TASP1: variants seen among roughly 807,000 people sequenced by gnomAD.
The protein encoded by TASP1 is threonine aspartase 1.
A neutral mutation model predicts 56.6 loss-of-function variants in TASP1; 16 were observed. That is an observed-to-expected ratio of 0.28 (90% confidence interval 0.19 to 0.43). TASP1 has a LOEUF of 0.43. Ranked by LOEUF, TASP1 falls within the 20% of genes least tolerant of loss-of-function variation. The pLI is 1.00. For missense variants in TASP1, 393 were observed against 511.6 expected (o/e 0.77, Z 2.24); for synonymous variants, 179 against 184.2 (o/e 0.97, Z 0.23).
chr20:13,172,651 T>C, the TASP1 span, among the ~76,000 whole-genome samples: 1 of 152,120 alleles, frequency 6.6e-6, no homozygotes, highest in Non-Finnish European at 1.5e-5. Flanking sequence ...TCAGAATTCA[T>C]AGGGAAAATA....
chr20:13,525,120 T>G (rs1170507971), intron 10 of TASP1, among the ~76,000 whole-genome samples: 2 of 152,108 alleles, frequency 1.3e-5, no homozygotes, highest in Non-Finnish European at 2.9e-5. Context: ...CTTAGTGGTA[T>G]AAAAATAATG....
At chr20:13,614,247 AG>A (rs1177872733) in intron 4 of TASP1, among the ~76,000 whole-genome samples, 1 of 152,186 alleles carries the variant, frequency 6.6e-6, no homozygotes, top group Non-Finnish European at 1.5e-5. Flanking sequence ...AGTCAAACAT[AG>A]TATGTTGAAT....
chr20:13,495,721 A>T (rs1418037691), intron 10 of TASP1, among the ~76,000 whole-genome samples: 1 of 152,200 alleles, frequency 6.6e-6, no homozygotes, highest in Non-Finnish European at 1.5e-5. Flanking sequence ...CTAAGAAATA[A>T]TAACAGGAAA....
intron 6 of TASP1, among the ~76,000 whole-genome samples, chr20:13,570,434 T>C (rs1191848840): frequency 6.6e-6 from 1 of 152,124 alleles, no homozygotes; most frequent in East Asian, 1.9e-4. Flanking sequence ...TTGTTTCTGT[T>C]ATTTTAATCA....
the TASP1 span, among the ~76,000 whole-genome samples, chr20:13,277,657 T>A: frequency 2.1e-5 from 3 of 142,622 alleles, no homozygotes; most frequent in Non-Finnish European, 4.6e-5. Context: ...TTTTTTTTTT[T>A]ACTTTTGGGA....
chr20:13,391,654 C>T (rs1438096175), intron 13 of TASP1, among the ~76,000 whole-genome samples: 1 of 152,120 alleles, frequency 6.6e-6, no homozygotes, highest in African/African-American at 2.4e-5. Context: ...ATGAGCTTAT[C>T]TCCAGAGTTC....
chr20:13,243,972 C>T, the TASP1 span: 3 of 152,296 alleles, frequency 2.0e-5, no homozygotes, highest in Admixed American at 6.5e-5. Context: ...GACCTCAATG[C>T]TCATGGTATT....
chr20:13,329,681 T>C, the TASP1 span, among the ~76,000 whole-genome samples: 15 of 152,188 alleles, frequency 9.9e-5, no homozygotes, highest in African/African-American at 3.4e-4. Flanking sequence ...TAAAGATTCT[T>C]GGGGATTTTC....
the TASP1 span, chr20:13,169,123 T>C: frequency 6.6e-6 from 1 of 152,156 alleles, no homozygotes; most frequent in Non-Finnish European, 1.5e-5. Flanking sequence ...TTCTGTTGAT[T>C]TAGTTTAGGT....
At chr20:13,517,157 T>C (rs141787136) in intron 10 of TASP1, among the ~76,000 whole-genome samples, 2 of 152,248 alleles carry the variant, frequency 1.3e-5, no homozygotes, top group Non-Finnish European at 2.9e-5. Flanking sequence ...CTATAGCTAA[T>C]ATGTCAACAT....
In TASP1 at chr20:13,584,734, CTGGCCACAGTGGAATTA is replaced by C. The variant is rs1349782671; in HGVS notation, c.403+2499_403+2515del. On this transcript the variant is annotated intron_variant, in intron 5 of 13. Coordinates refer to ENST00000337743, the MANE Select transcript of TASP1 (RefSeq NM_017714.3). ...ATTGGTATCATACATAGTATATTCT[CTGGCCACAGTGGAATTA>C]AACTAGAAATCAACAAAGAAAGCTA... Among the ~76,000 whole-genome samples, 77 of 152,220 alleles carry C rather than the reference CTGGCCACAGTGGAATTA, an allele frequency of 5.1e-4. 1 individual carries two copies. In the East Asian group the frequency reaches 0.01, roughly 20 times the overall value.
At chr20:13,110,277 G>T in the TASP1 span, 1 of 1,412,310 alleles carries the variant, frequency 7.1e-7, no homozygotes, top group Non-Finnish European at 9.9e-7. Flanking sequence ...TGACCAGTGC[G>T]GAAAGGCTCA....
chr20:13,380,464 G>A, the TASP1 span, among the ~76,000 whole-genome samples: 1 of 152,112 alleles, frequency 6.6e-6, no homozygotes, highest in Non-Finnish European at 1.5e-5. Flanking sequence ...TCCCAGAGGG[G>A]CACCCGCCAG....
the TASP1 span, among the ~76,000 whole-genome samples, chr20:13,138,807 C>G: frequency 6.6e-6 from 1 of 152,188 alleles, no homozygotes; most frequent in Non-Finnish European, 1.5e-5. Context: ...TAGACACCAT[C>G]AGATATGGAG....
the TASP1 span, among the ~76,000 whole-genome samples, chr20:13,233,798 A>T: frequency 1.3e-5 from 2 of 152,132 alleles, no homozygotes; most frequent in Non-Finnish European, 2.9e-5. Context: ...CCAAATGTTC[A>T]CTAGGTGCAT....
At chr20:13,428,934 A>C (rs1340102074) in intron 12 of TASP1, among the ~76,000 whole-genome samples, 1 of 152,236 alleles carries the variant, frequency 6.6e-6, no homozygotes, top group Admixed American at 6.5e-5. Flanking sequence ...TCCAATAATT[A>C]TTGGGAACCT....
At chr20:13,572,362 C>A (rs769282091) in intron 6 of TASP1, among the ~76,000 whole-genome samples, 31 of 152,152 alleles carry the variant, frequency 2.0e-4, no homozygotes, top group Non-Finnish European at 3.1e-4. Flanking sequence ...AAGCAACACT[C>A]TACTGAAACC....
At chr20:13,239,425 C>T in the TASP1 span, 2 of 152,204 alleles carry the variant, frequency 1.3e-5, no homozygotes, top group Non-Finnish European at 2.9e-5. Flanking sequence ...CAGGGTCCTC[C>T]CTGAGATCTG....
chr20:13,532,056 A>C (rs1344837374), intron 9 of TASP1, among the ~76,000 whole-genome samples: 2 of 152,080 alleles, frequency 1.3e-5, no homozygotes, highest in Non-Finnish European at 2.9e-5. Flanking sequence ...AATGCATTGA[A>C]GGTGACTCTG....
Sources: allele counts gnomAD v4.1 joint callset (sites outside exome capture counted in the v4.1 genomes callset), GRCh38; gene constraint gnomAD v4.1.1; transcripts MANE v1.5; gene names NCBI Gene and HGNC (gene_info 2026-07-23, HGNC 2026-07-21).